GBE1: variants seen among roughly 807,000 people sequenced by gnomAD.
The protein encoded by GBE1 is 1,4-alpha-glucan branching enzyme 1, also known as 1,4-alpha-glucan-branching enzyme.
GBE1 carries 70 observed loss-of-function variants against 88.8 expected under a neutral mutation model. That is an observed-to-expected ratio of 0.79 (90% CI 0.65 to 0.96). GBE1 has a LOEUF of 0.96. Among genes scored for constraint, GBE1 ranks in the 40% least tolerant of loss-of-function variants. The pLI is 0.00. For missense variants in GBE1, 872 were observed against 871.0 expected (o/e 1.00, Z -0.01); for synonymous variants, 284 against 300.1 (o/e 0.95, Z 0.56).
chr3:81,650,186 G>A (rs1704825629), intron 3 of GBE1: 2 of 279,142 alleles, frequency 7.2e-6, no homozygotes, highest in Non-Finnish European at 1.3e-5. Flanking sequence ...AGCCATAAGA[G>A]TGCTTACTTA....
Position 81,670,955 on chromosome 3 carries a change from T to TA in GBE1, c.314-3dup. ...GGTACGAAAATGGATTCCAACCATC[T>TA]AAAAAAATGAAGAAGATCAGTTAAC... On this transcript the variant is annotated splice_polypyrimidine_tract_variant and splice_region_variant and intron_variant, in intron 2 of 15. Transcript: ENST00000429644. 1 of 1,479,444 alleles carries TA rather than the reference T, an allele frequency of 6.8e-7. No homozygotes were observed. The highest frequency in any genetic ancestry group is 9.2e-7 in the Non-Finnish European group (1 of 1,091,180). 91.6% of individuals were successfully genotyped at this position (1,479,444 alleles called of 1,614,324 possible).
intron 2 of GBE1, among the ~76,000 whole-genome samples, chr3:81,679,944 C>T (rs1042114798): frequency 1.3e-5 from 2 of 152,100 alleles, no homozygotes; most frequent in African/African-American, 4.8e-5. Flanking sequence ...CATATAAAAA[C>T]AGAGCTGATC....
Position 81,499,151 on chromosome 3 carries a change from A to G in GBE1, c.2011T>C (p.Ser671Pro). 1 of 1,609,448 alleles carries G rather than the reference A, an allele frequency of 6.2e-7. No individual in the cohort carries two copies. Among genetic ancestry groups the G allele is most frequent in the South Asian group, 1.1e-5 (1 of 90,512 alleles). ...QRLDHSTDFF[S>P]EAFEHNGRPY... ...CGCCCATTATGTTCAAAAGCCTCAGAAAAAAAGTCAGTGCTGTGGTCCAGT... is the reference window on the plus strand; with the variant it reads ...CGCCCATTATGTTCAAAAGCCTCAGGAAAAAAGTCAGTGCTGTGGTCCAGT... Residue 671 changes from serine to proline, a missense_variant, in exon 15 of 16, where the codon TCT (serine) becomes CCT (proline). Physicochemically the swap from Ser to Pro is moderately conservative, Grantham distance 74. Coordinates refer to ENST00000429644, the MANE Select transcript of GBE1 (RefSeq NM_000158.4).
At chr3:81,599,290 T>C (rs1704000259) in intron 7 of GBE1, among the ~76,000 whole-genome samples, 2 of 152,074 alleles carry the variant, frequency 1.3e-5, no homozygotes, top group African/African-American at 4.8e-5. Context: ...TGACTGTGAG[T>C]GTATGTACAT....
At chr3:81,761,313 C>T in intron 1 of GBE1, 62 bp downstream of exon 1, 1 of 1,545,446 alleles carries the variant, frequency 6.5e-7, no homozygotes, top group South Asian at 1.2e-5. Flanking sequence ...GCCCGTGTCC[C>T]GAGACGGCTC....
At chr3:81,739,631 C>T (rs1204592856) in intron 1 of GBE1, among the ~76,000 whole-genome samples, 3 of 152,014 alleles carry the variant, frequency 2.0e-5, no homozygotes, top group Non-Finnish European at 4.4e-5. Flanking sequence ...AATATCTTAC[C>T]CTGTTCATCA....
chr3:81,713,946 A>G (rs1041082744), intron 1 of GBE1, among the ~76,000 whole-genome samples: 1 of 152,202 alleles, frequency 6.6e-6, no homozygotes, highest in Non-Finnish European at 1.5e-5. Flanking sequence ...ATATAGAGAT[A>G]AAAGACATTA....
chr3:81,563,640 G>A (rs1703450719), intron 12 of GBE1, among the ~76,000 whole-genome samples: 3 of 151,992 alleles, frequency 2.0e-5, no homozygotes, highest in African/African-American at 7.2e-5. Flanking sequence ...TGTATTTAAG[G>A]GAATCTTTTG....
At chr3:81,737,008 G>C (rs796563448) in intron 1 of GBE1, among the ~76,000 whole-genome samples, 15 of 152,008 alleles carry the variant, frequency 9.9e-5, no homozygotes, top group African/African-American at 3.6e-4. Context: ...ATCAGACATT[G>C]GTGGCTTTGG....
In GBE1 at chr3:81,544,209, A is replaced by T. The variant is rs573167110; in HGVS notation, c.1619-7114T>A. Among the ~76,000 whole-genome samples the T allele has an allele frequency of 8.7e-4, 132 of 152,306 alleles. 1 individual carries two copies. The highest frequency in any genetic ancestry group is 3.1e-3 in the African/African-American group (130 of 41,582). ...AAGCTAAGTTAAAGGAAGCATTTTT[A>T]AAACCTTTGGCTGGTTTATTCAACA... On this transcript the variant is annotated intron_variant, in intron 12 of 15. Coordinates refer to ENST00000429644, the MANE Select transcript of GBE1 (RefSeq NM_000158.4).
intron 9 of GBE1, among the ~76,000 whole-genome samples, chr3:81,590,271 C>A (rs947784935): frequency 6.6e-6 from 1 of 151,978 alleles, no homozygotes; most frequent in African/African-American, 2.4e-5. Flanking sequence ...TTAATTCTAA[C>A]TATTTTTAAC....
chr3:81,495,671 A>G (rs1401985473), intron 15 of GBE1, among the ~76,000 whole-genome samples: 1 of 152,182 alleles, frequency 6.6e-6, no homozygotes, highest in Non-Finnish European at 1.5e-5. Flanking sequence ...TAACTTGTAT[A>G]CATTAAAAAA....
chr3:81,530,890 G>A (rs1292598422), intron 14 of GBE1, among the ~76,000 whole-genome samples: 1 of 151,790 alleles, frequency 6.6e-6, no homozygotes, highest in East Asian at 2.0e-4. Context: ...TGCCAGGCCT[G>A]GGTCCTTCCC....
chr3:81,613,936 CAA>C (rs34108399), intron 7 of GBE1, among the ~76,000 whole-genome samples: 25 of 119,608 alleles, frequency 2.1e-4, no homozygotes, highest in South Asian at 2.7e-4. Context: ...ACACACACAC[CAA>C]AAAAAAAAAA....
At chr3:81,517,974 C>T (rs554060500) in intron 14 of GBE1, among the ~76,000 whole-genome samples, 1 of 151,188 alleles carries the variant, frequency 6.6e-6, no homozygotes, top group Non-Finnish European at 1.5e-5. Flanking sequence ...GTAAACATAT[C>T]ATTGTTGATA....
intron 2 of GBE1, among the ~76,000 whole-genome samples, chr3:81,686,665 GA>G (rs1705445988): frequency 6.6e-6 from 1 of 152,140 alleles, no homozygotes; most frequent in Non-Finnish European, 1.5e-5. Flanking sequence ...TGAGGCAGGA[GA>G]ATCGCTTGAA....
rs184446424 is a variant in GBE1 at position 81,603,300 on chromosome 3, C to T, written c.993-9277G>A. 1.4e-3 allele frequency among the ~76,000 whole-genome samples: 212 copies of T among 152,166 alleles called. 1 individual carries two copies. In the Middle Eastern group the frequency reaches 0.017, roughly 12 times the overall value. ...GATGAATTTCATGAGAAAGTTATGT[C>T]ATACTTCACTTAATGAAAATTAAGC... On this transcript the variant is annotated intron_variant, in intron 7 of 15. Transcript: ENST00000429644.
chr3:81,562,722 C>A (rs751865017), intron 12 of GBE1, among the ~76,000 whole-genome samples: 2 of 152,036 alleles, frequency 1.3e-5, no homozygotes, highest in Admixed American at 6.6e-5. Context: ...TCTGTATCCC[C>A]TCAACCTCTC....
At chr3:81,747,701 T>C (rs1268883276) in intron 1 of GBE1, among the ~76,000 whole-genome samples, 1 of 152,202 alleles carries the variant, frequency 6.6e-6, no homozygotes, top group Admixed American at 6.5e-5. Context: ...TTGTGATTTG[T>C]TCCTGGCCCA....
Sources: gnomAD v4.1 joint callset for allele counts (sites outside exome capture counted in the v4.1 genomes callset) on GRCh38, gnomAD v4.1.1 for gene constraint, MANE v1.5 for transcripts, NCBI Gene and HGNC (gene_info 2026-07-23, HGNC 2026-07-21) for gene names.